PKNOX2: variants seen among roughly 807,000 people sequenced by gnomAD.
PKNOX2 encodes homeobox protein PKNOX2.
A neutral mutation model predicts 53.1 loss-of-function variants in PKNOX2; 14 were observed. The observed-to-expected ratio is 0.26, with a 90% confidence interval of 0.17 to 0.41. The LOEUF is 0.41. Among genes scored for constraint, PKNOX2 ranks in the 10% least tolerant of loss-of-function variants. The pLI is 1.00. For synonymous variants in PKNOX2, 257 were observed against 242.8 expected (o/e 1.06, Z -0.54); for missense variants, 496 against 602.8 (o/e 0.82, Z 1.85).
chr11:125,349,302 C>G (rs1951167590), intron 3 of PKNOX2, among the ~76,000 whole-genome samples: 1 of 152,042 alleles, frequency 6.6e-6, no homozygotes, highest in Admixed American at 6.5e-5. Flanking sequence ...GACCACCACC[C>G]AGACAAAGAT....
At chr11:125,176,244 G>A (rs546043839) in intron 1 of PKNOX2, among the ~76,000 whole-genome samples, 1 of 152,338 alleles carries the variant, frequency 6.6e-6, no homozygotes, top group African/African-American at 2.4e-5. Flanking sequence ...GGGGTGAGGA[G>A]GGGGTTGGCC....
At chr11:125,321,943 C>G (rs763740736) in intron 2 of PKNOX2, among the ~76,000 whole-genome samples, 1 of 152,100 alleles carries the variant, frequency 6.6e-6, no homozygotes, top group Non-Finnish European at 1.5e-5. Flanking sequence ...GGAGCTCACT[C>G]GAGTCTTTTT....
At chr11:125,384,395 C>G (rs1225033397) in intron 5 of PKNOX2, among the ~76,000 whole-genome samples, 1 of 152,130 alleles carries the variant, frequency 6.6e-6, no homozygotes, top group Non-Finnish European at 1.5e-5. Flanking sequence ...AAGATAAAAT[C>G]CATAGAGCCA....
chr11:125,292,183 C>T (rs543225262), intron 2 of PKNOX2, among the ~76,000 whole-genome samples: 1 of 152,340 alleles, frequency 6.6e-6, no homozygotes, highest in East Asian at 1.9e-4. Flanking sequence ...AGGCCTTTCT[C>T]CCCGGCTTAG....
chr11:125,356,491 C>A (rs1951623886), intron 4 of PKNOX2, among the ~76,000 whole-genome samples: 1 of 152,204 alleles, frequency 6.6e-6, no homozygotes, highest in African/African-American at 2.4e-5. Flanking sequence ...TTGCTTGGGG[C>A]CCCTTTGCAA....
At chr11:125,180,282 A>G (rs996949979) in intron 1 of PKNOX2, among the ~76,000 whole-genome samples, 21 of 149,986 alleles carry the variant, frequency 1.4e-4, no homozygotes, top group African/African-American at 5.0e-4. Context: ...TTTTCTTTAG[A>G]GCGATTGTTG....
chr11:125,415,600 A>G (rs1955830646), intron 10 of PKNOX2, among the ~76,000 whole-genome samples: 1 of 152,090 alleles, frequency 6.6e-6, no homozygotes, highest in Admixed American at 6.6e-5. Flanking sequence ...ACTTATGTGA[A>G]CACTTTACAT....
chr11:125,416,950 A>G (rs1955918487), intron 10 of PKNOX2, among the ~76,000 whole-genome samples: 2 of 151,998 alleles, frequency 1.3e-5, no homozygotes, highest in African/African-American at 2.4e-5. Flanking sequence ...CCTGAGATGG[A>G]GGTGAAATCC....
intron 2 of PKNOX2, among the ~76,000 whole-genome samples, chr11:125,260,432 C>T (rs1048300643): frequency 4.6e-5 from 7 of 151,206 alleles, no homozygotes; most frequent in African/African-American, 1.5e-4. Context: ...CTCCTGACCT[C>T]GTGATCTGCC....
At chr11:125,290,303 G>A (rs541183477) in intron 2 of PKNOX2, among the ~76,000 whole-genome samples, 1 of 152,338 alleles carries the variant, frequency 6.6e-6, no homozygotes, top group African/African-American at 2.4e-5. Flanking sequence ...CCTTGGTCAG[G>A]TTTTTGATGT....
chr11:125,252,057 A>T (rs1335333418), intron 2 of PKNOX2, among the ~76,000 whole-genome samples: 1 of 152,160 alleles, frequency 6.6e-6, no homozygotes, highest in Non-Finnish European at 1.5e-5. Flanking sequence ...CCTCTAGCAC[A>T]ATATGTTAAG....
chr11:125,358,211 G>A (rs987183738), intron 4 of PKNOX2, among the ~76,000 whole-genome samples: 3 of 152,162 alleles, frequency 2.0e-5, no homozygotes, highest in Non-Finnish European at 2.9e-5. Flanking sequence ...AACATAATAG[G>A]CATGTCAAAT....
chr11:125,253,554 C>T (rs545434046), intron 2 of PKNOX2, among the ~76,000 whole-genome samples: 1 of 152,270 alleles, frequency 6.6e-6, no homozygotes, highest in East Asian at 1.9e-4. Flanking sequence ...CTAGGACTTC[C>T]TTCCTCCCTG....
intron 7 of PKNOX2, among the ~76,000 whole-genome samples, chr11:125,408,751 C>T (rs183796062): frequency 5.3e-4 from 81 of 152,226 alleles, no homozygotes; most frequent in Non-Finnish European, 7.8e-4. Context: ...CCATGGCTGT[C>T]CCCCGGGCTG....
chr11:125,385,204 C>T (rs1953538593), intron 5 of PKNOX2, among the ~76,000 whole-genome samples: 1 of 152,216 alleles, frequency 6.6e-6, no homozygotes, highest in South Asian at 2.1e-4. Context: ...ACATTTCCTT[C>T]CTAGGTTGAC....
At chr11:125,312,130 T>C (rs566395630) in intron 2 of PKNOX2, among the ~76,000 whole-genome samples, 1 of 152,314 alleles carries the variant, frequency 6.6e-6, no homozygotes, top group South Asian at 2.1e-4. Flanking sequence ...GTAACTTTCC[T>C]CCTACAAGGG....
At chr11:125,238,730 T>C (rs1017234296) in intron 2 of PKNOX2, among the ~76,000 whole-genome samples, 11 of 152,252 alleles carry the variant, frequency 7.2e-5, no homozygotes, top group African/African-American at 2.7e-4. Flanking sequence ...GATTTCCTAT[T>C]CTGTCCCCTT....
intron 2 of PKNOX2, among the ~76,000 whole-genome samples, chr11:125,259,875 ATTCT>A (rs1199619215): frequency 6.7e-6 from 1 of 149,202 alleles, no homozygotes; most frequent in Non-Finnish European, 1.5e-5. Context: ...TTTTTTTTTA[ATTCT>A]TTTTTTTTTT....
chr11:125,170,282 G>T (rs1347613709), intron 1 of PKNOX2, among the ~76,000 whole-genome samples: 1 of 152,188 alleles, frequency 6.6e-6, no homozygotes, highest in Admixed American at 6.5e-5. Context: ...CTGGAGACGC[G>T]GCTCTGGTGG....
Sources: gnomAD v4.1 joint callset for allele counts (sites outside exome capture counted in the v4.1 genomes callset) on GRCh38, gnomAD v4.1.1 for gene constraint, MANE v1.5 for transcripts, NCBI Gene and HGNC (gene_info 2026-07-23, HGNC 2026-07-21) for gene names.